Variants in ZBBX observed in about 807,000 individuals in gnomAD.
The protein encoded by ZBBX is zinc finger B-box domain containing, also known as zinc finger B-box domain-containing protein 1.
In ZBBX, 101 loss-of-function variants were observed where a neutral mutation model predicts 108.5. That is an observed-to-expected ratio of 0.93 (90% CI 0.79 to 1.10). ZBBX has a LOEUF of 1.10. Among genes scored for constraint, ZBBX ranks in the 50% least tolerant of loss-of-function variants. The pLI, the probability that ZBBX is intolerant of heterozygous loss-of-function variation, is 0.00. For missense variants in ZBBX, 1,009 were observed against 941.4 expected (o/e 1.07, Z -0.94); for synonymous variants, 356 against 323.4 (o/e 1.10, Z -1.08).
intron 10 of ZBBX, among the ~76,000 whole-genome samples, chr3:167,331,983 T>G (rs1247528705): frequency 6.6e-6 from 1 of 152,160 alleles, no homozygotes; most frequent in East Asian, 1.9e-4. Flanking sequence ...AAGAGAAGCA[T>G]CAGGCATTGG....
chr3:167,375,619 T>C (rs532244981), intron 2 of ZBBX, among the ~76,000 whole-genome samples: 2 of 151,990 alleles, frequency 1.3e-5, no homozygotes, highest in African/African-American at 4.8e-5. Flanking sequence ...GAATCCATTA[T>C]ACACCAACAA....
the ZBBX span, among the ~76,000 whole-genome samples, chr3:167,203,025 A>G: frequency 6.6e-6 from 1 of 152,188 alleles, no homozygotes; most frequent in Non-Finnish European, 1.5e-5. Flanking sequence ...ATCATGATCT[A>G]ATATAAAATA....
Position 167,282,471 on chromosome 3 carries a change from G to T in ZBBX, c.2021C>A (p.Thr674Lys). The part of the protein sequence containing the change: ...KMGQKSQRPS[T>K]ANFPLSNSVK... ...AGAGTTGGAAAGTGGAAAATTTGCT[G>T]TTGAAGGTCTCTGTGATTTCTGACC... Residue 674 changes from threonine to lysine, a missense_variant, in exon 20 of 22, where the codon ACA becomes AAA. Physicochemically the swap from Thr to Lys is moderately conservative, Grantham distance 78. Transcript: ENST00000675490. The T allele has an allele frequency of 6.2e-7, 1 of 1,610,650 alleles. No individual in the cohort carries two copies. The highest frequency in any genetic ancestry group is 1.1e-5 in the South Asian group (1 of 90,450).
intron 19 of ZBBX, among the ~76,000 whole-genome samples, chr3:167,286,546 G>C (rs962125382): frequency 3.3e-5 from 5 of 152,126 alleles, no homozygotes; most frequent in African/African-American, 4.8e-5. Context: ...AGAAGTAAAA[G>C]TGAAAATGGG....
the ZBBX span, among the ~76,000 whole-genome samples, chr3:167,181,463 T>C: frequency 5.3e-5 from 8 of 152,360 alleles, no homozygotes; most frequent in Admixed American, 4.6e-4. Context: ...GCAGGTTGAA[T>C]TGACCATGCG....
chr3:167,274,833 G>C (rs1727207364), intron 20 of ZBBX, among the ~76,000 whole-genome samples: 1 of 152,142 alleles, frequency 6.6e-6, no homozygotes, highest in Non-Finnish European at 1.5e-5. Context: ...CCAGCCCATG[G>C]GGGAAGGACA....
the ZBBX span, among the ~76,000 whole-genome samples, chr3:167,219,438 C>T: frequency 6.6e-6 from 1 of 151,822 alleles, no homozygotes; most frequent in Non-Finnish European, 1.5e-5. Flanking sequence ...TCTTCTCTAA[C>T]CATGATGGAA....
In ZBBX at chr3:167,406,539, C is replaced by CA. The variant is rs1748593264; in HGVS notation, c.-446+1186dup. ...TTCAAGACCAGCCTTGGCAACATGG[C>CA]AAAACCCCATCTCTACCCAAATTAC... On this transcript the variant is annotated intron_variant, in intron 1 of 21. Transcript: ENST00000455345. 3.3e-5 allele frequency among the ~76,000 whole-genome samples: 5 copies of CA among 152,220 alleles called. No individual in the cohort carries two copies. The South Asian group carries it at 8.3e-4, about 25-fold the overall frequency.
the ZBBX span, among the ~76,000 whole-genome samples, chr3:167,206,635 C>T: frequency 6.7e-6 from 1 of 149,484 alleles, no homozygotes; most frequent in Non-Finnish European, 1.5e-5. Flanking sequence ...TTTTCACTGC[C>T]AAAAAAAAAT....
chr3:167,276,486 G>A (rs1727603224), intron 20 of ZBBX, among the ~76,000 whole-genome samples: 1 of 152,158 alleles, frequency 6.6e-6, no homozygotes, highest in Non-Finnish European at 1.5e-5. Flanking sequence ...CTGGAAGAAA[G>A]GGTATCAGTG....
At chr3:167,381,643 G>A (rs1226754254), upstream of ZBBX, among the ~76,000 whole-genome samples, 4 of 152,046 alleles carry the variant, frequency 2.6e-5, no homozygotes, top group African/African-American at 9.7e-5. Context: ...CCATACAGGC[G>A]CGCTCTTCAA....
At chr3:167,328,499 A>G (rs1302949962) in intron 10 of ZBBX, among the ~76,000 whole-genome samples, 1 of 151,592 alleles carries the variant, frequency 6.6e-6, no homozygotes, top group African/African-American at 2.4e-5. Flanking sequence ...GTTTTTTTTT[A>G]ATGTAAATCT....
At chr3:167,402,497 G>A (rs532528966) in intron 1 of ZBBX, among the ~76,000 whole-genome samples, 24 of 152,176 alleles carry the variant, frequency 1.6e-4, no homozygotes, top group Admixed American at 2.6e-4. Flanking sequence ...AAAACCCAGT[G>A]TTAATCCTCT....
chr3:167,355,501 A>C (rs1484722417), intron 8 of ZBBX, among the ~76,000 whole-genome samples: 1 of 151,848 alleles, frequency 6.6e-6, no homozygotes, highest in Non-Finnish European at 1.5e-5. Flanking sequence ...TATCTCCCAT[A>C]CACAATTTTC....
At chr3:167,279,352 T>C (rs988005812) in intron 20 of ZBBX, among the ~76,000 whole-genome samples, 1 of 151,660 alleles carries the variant, frequency 6.6e-6, no homozygotes, top group Non-Finnish European at 1.5e-5. Context: ...AAAACCCCAT[T>C]GTCTCAGCCC....
intron 4 of ZBBX, among the ~76,000 whole-genome samples, chr3:167,372,402 A>G (rs185311608): frequency 3.2e-4 from 49 of 152,272 alleles, no homozygotes; most frequent in Non-Finnish European, 6.2e-4. Flanking sequence ...TGCATCTCCC[A>G]GTCATCTAGG....
upstream of ZBBX, among the ~76,000 whole-genome samples, chr3:167,380,681 C>T (rs1179756944): frequency 6.6e-6 from 1 of 152,076 alleles, no homozygotes; most frequent in Non-Finnish European, 1.5e-5. Flanking sequence ...CAAATTAATT[C>T]AAGGAGTTTA....
intron 5 of ZBBX, 114 bp from the exon 6 acceptor site, chr3:167,366,090 G>A (rs1469043301): frequency 1.6e-6 from 1 of 612,668 alleles, no homozygotes. Flanking sequence ...TTAACATGCA[G>A]TAAACAAGCA....
chr3:167,331,890 C>T (rs1034645286), intron 10 of ZBBX, among the ~76,000 whole-genome samples: 8 of 152,146 alleles, frequency 5.3e-5, no homozygotes, highest in South Asian at 4.1e-4. Context: ...ACCCAGGTTT[C>T]GGCTTATAAG....
Sources: allele counts gnomAD v4.1 joint callset (sites outside exome capture counted in the v4.1 genomes callset), GRCh38; gene constraint gnomAD v4.1.1; transcripts MANE v1.5; gene names NCBI Gene and HGNC (gene_info 2026-07-23, HGNC 2026-07-21).